The following NUDCD1 variants were observed in gnomAD, a reference collection of about 807,000 sequenced individuals.
NUDCD1 encodes the protein NudC domain containing 1, also known as nudC domain-containing protein 1.
Under a neutral mutation model 67.8 loss-of-function variants are expected in NUDCD1, and 60 were observed. That is an observed-to-expected ratio of 0.88 (90% CI 0.72 to 1.10). The LOEUF (loss-of-function observed/expected upper bound fraction) is 1.10. Ranked by LOEUF, NUDCD1 falls within the 50% of genes least tolerant of loss-of-function variation. The pLI is 0.00. For missense variants in NUDCD1, 643 were observed against 695.0 expected (o/e 0.93, Z 0.84); for synonymous variants, 244 against 230.8 (o/e 1.06, Z -0.52).
chr8:109,306,856 T>C (rs558448059), intron 2 of NUDCD1, among the ~76,000 whole-genome samples: 1 of 151,946 alleles, frequency 6.6e-6, no homozygotes, highest in African/African-American at 2.4e-5. Context: ...CCCAACAAAA[T>C]CTTTCCTCAG....
At chr8:109,284,868 T>C (rs1486115039) in intron 5 of NUDCD1, among the ~76,000 whole-genome samples, 7 of 150,930 alleles carry the variant, frequency 4.6e-5, no homozygotes, top group Middle Eastern at 3.4e-3. Flanking sequence ...AATGAATCCA[T>C]GAAACCAAAA....
chr8:109,295,654 T>C (rs904029543), intron 3 of NUDCD1, among the ~76,000 whole-genome samples: 19 of 152,140 alleles, frequency 1.2e-4, no homozygotes, highest in African/African-American at 4.1e-4. Context: ...CATAAATATA[T>C]TAAGCTCGCA....
At chr8:109,271,928 C>T (rs908287423) in intron 7 of NUDCD1, among the ~76,000 whole-genome samples, 2 of 151,736 alleles carry the variant, frequency 1.3e-5, no homozygotes, top group African/African-American at 4.8e-5. Flanking sequence ...CCTGTCAACA[C>T]CAAATTATAT....
At chr8:109,260,940 A>C (rs1813851538) in intron 8 of NUDCD1, among the ~76,000 whole-genome samples, 1 of 152,244 alleles carries the variant, frequency 6.6e-6, no homozygotes, top group Non-Finnish European at 1.5e-5. Flanking sequence ...AATTGAATGT[A>C]AGCACCATAT....
At chr8:109,251,214 C>T (rs1161985711) in intron 8 of NUDCD1, among the ~76,000 whole-genome samples, 2 of 147,044 alleles carry the variant, frequency 1.4e-5, no homozygotes, top group African/African-American at 2.5e-5. Flanking sequence ...CGCTCTGTCG[C>T]CCAGGCTGGA....
At chr8:109,247,220 C>CTT (rs1813518709) in intron 8 of NUDCD1, among the ~76,000 whole-genome samples, 1 of 151,752 alleles carries the variant, frequency 6.6e-6, no homozygotes, top group Non-Finnish European at 1.5e-5. Context: ...CTCTGATACT[C>CTT]TATTTTTTTT....
chr8:109,327,927 C>G (rs934414448), intron 1 of NUDCD1, among the ~76,000 whole-genome samples: 1 of 152,220 alleles, frequency 6.6e-6, no homozygotes, highest in Non-Finnish European at 1.5e-5. Context: ...TCTCACTATA[C>G]TCATTAGCCC....
At chr8:109,262,398 T>C (rs971347772) in intron 8 of NUDCD1, among the ~76,000 whole-genome samples, 1 of 152,182 alleles carries the variant, frequency 6.6e-6, no homozygotes, top group African/African-American at 2.4e-5. Flanking sequence ...CTTCCTTTTC[T>C]ACAGCCAAGT....
At chr8:109,270,979 T>C (rs1346298362) in intron 8 of NUDCD1, 26 bp downstream of exon 8, 2 of 1,496,932 alleles carry the variant, frequency 1.3e-6, no homozygotes, top group Admixed American at 4.1e-5. Flanking sequence ...GACAAAATTT[T>C]AGAAATATTA....
At chr8:109,303,734 C>T (rs544296908) in intron 2 of NUDCD1, among the ~76,000 whole-genome samples, 15 of 152,168 alleles carry the variant, frequency 9.9e-5, no homozygotes, top group South Asian at 2.1e-4. Context: ...CCTTGGCAAC[C>T]GATCACGCAA....
intron 7 of NUDCD1, among the ~76,000 whole-genome samples, chr8:109,272,896 G>T (rs899563388): frequency 3.9e-5 from 6 of 152,148 alleles, no homozygotes; most frequent in African/African-American, 1.4e-4. Context: ...TGATGCCATT[G>T]TGCACAGTGA....
intron 4 of NUDCD1, among the ~76,000 whole-genome samples, chr8:109,292,893 A>G (rs1174100603): frequency 1.3e-5 from 2 of 152,102 alleles, no homozygotes; most frequent in Non-Finnish European, 2.9e-5. Flanking sequence ...ATGAAGTTCA[A>G]TTAGATTTAA....
At position 109,296,433 on chromosome 8, in the gene NUDCD1, T is replaced by A. The variant is rs780600643; in HGVS notation, c.410A>T (p.Tyr137Phe). The stretch of plus-strand genomic sequence containing the variant: ...TCCACGTTCACCTGTTCCAATGACA[T>A]ACAATCTTCCAGTTCCATCTGACAA... The part of the protein sequence containing the change: ...VTLSDGTGRL[Y>F]VIGTGERGNS... The change falls in exon 3 of 10, where the codon TAT becomes TTT. Residue 137 changes from tyrosine to phenylalanine, a missense_variant. By Grantham distance (22) the Tyr-to-Phe change is conservative. Transcript: ENST00000239690. 1 of 1,613,706 alleles carries A rather than the reference T, an allele frequency of 6.2e-7. No individual in the cohort carries two copies. Among genetic ancestry groups the A allele is most frequent in the Non-Finnish European group, 8.5e-7 (1 of 1,179,730 alleles).
At chr8:109,253,723 T>G (rs901693855) in intron 8 of NUDCD1, among the ~76,000 whole-genome samples, 9 of 152,148 alleles carry the variant, frequency 5.9e-5, no homozygotes, top group Non-Finnish European at 2.9e-5. Context: ...CAATTAAAAT[T>G]AAAAAGTAAA....
At chr8:109,255,859 G>GAACA (rs1164271891) in intron 8 of NUDCD1, among the ~76,000 whole-genome samples, 1 of 152,126 alleles carries the variant, frequency 6.6e-6, no homozygotes, top group Non-Finnish European at 1.5e-5. Context: ...GACTCTAAGG[G>GAACA]AACAGCATGT....
chr8:109,293,053 ATT>A (rs562216662), intron 4 of NUDCD1, among the ~76,000 whole-genome samples: 2 of 152,054 alleles, frequency 1.3e-5, no homozygotes, highest in African/African-American at 4.8e-5. Context: ...ATATGCATAT[ATT>A]TTTGTATATA....
chr8:109,281,222 TAC>T (rs768212345), intron 5 of NUDCD1, 50 bp from the exon 6 acceptor site: 8 of 1,199,968 alleles, frequency 6.7e-6, no homozygotes, highest in South Asian at 1.3e-5. Flanking sequence ...AGAGAAAGCA[TAC>T]ACACACACAA....
chr8:109,291,432 T>A (rs1212652537), intron 4 of NUDCD1, among the ~76,000 whole-genome samples: 1 of 152,150 alleles, frequency 6.6e-6, no homozygotes, highest in East Asian at 1.9e-4. Flanking sequence ...GGCATGAGCC[T>A]TTGCATCTAA....
Position 109,280,988 on chromosome 8 carries a change from C to A in NUDCD1, c.1008G>T (p.Trp336Cys). ...YSSIDHESST[W>C]IIKESNSLEI... ...AATACCTATTACTCTCTTTAATTAT[C>A]CATGTACTGCTTTCATGATCAATAG... The change falls in exon 6 of 10, where the codon TGG becomes TGT. Residue 336 changes from tryptophan to cysteine, a missense_variant. Coordinates refer to ENST00000239690, the MANE Select transcript of NUDCD1 (RefSeq NM_032869.4). 1 of 1,581,770 alleles carries A rather than the reference C, an allele frequency of 6.3e-7. No individual in the cohort carries two copies.
Sources: gnomAD v4.1 joint callset for allele counts (sites outside exome capture counted in the v4.1 genomes callset) on GRCh38, gnomAD v4.1.1 for gene constraint, MANE v1.5 for transcripts, NCBI Gene and HGNC (gene_info 2026-07-23, HGNC 2026-07-21) for gene names.